Variants in MCF2L observed in about 807,000 individuals in gnomAD.
The protein encoded by MCF2L is guanine nucleotide exchange factor DBS.
Under a neutral mutation model 153.4 loss-of-function variants are expected in MCF2L, and 97 were observed. The ratio of observed to expected loss-of-function variants is 0.63; its 90% CI spans 0.54 to 0.75. The LOEUF (loss-of-function observed/expected upper bound fraction) is 0.75. Among genes scored for constraint, MCF2L ranks in the 30% least tolerant of loss-of-function variants. MCF2L has a pLI of 0.00. For synonymous variants in MCF2L, 659 were observed against 632.2 expected (o/e 1.04, Z -0.64); for missense variants, 1,347 against 1,495.2 (o/e 0.90, Z 1.64).
Position 113,050,358 on chromosome 13 carries a change from T to TA in MCF2L, c.369+4998dup, listed in dbSNP as rs986527735. 4.0e-5 allele frequency among the ~76,000 whole-genome samples: 6 copies of TA among 151,606 alleles called. No individual in the cohort carries two copies. The South Asian group carries it at 6.3e-4, about 16-fold the overall frequency. On this transcript the variant is annotated intron_variant, in intron 4 of 29. Coordinates refer to ENST00000535094, the MANE Select transcript of MCF2L (RefSeq NM_001112732.3). ...TTGGGAATTTGTAATAGAGTATATA[T>TA]ATTCATGTTTAGAGCTAGCCTAAAT...
At chr13:112,913,623 G>C (rs2081259116) in intron 2 of MCF2L, among the ~76,000 whole-genome samples, 1 of 152,088 alleles carries the variant, frequency 6.6e-6, no homozygotes, top group South Asian at 2.1e-4. Flanking sequence ...CAAGTGCATG[G>C]GGCAGGCTGC....
chr13:113,096,797 C>G lies in MCF2L; in HGVS notation c.3316C>G (p.Leu1106Val). The G allele has an allele frequency of 6.4e-7, 1 of 1,559,822 alleles. No individual in the cohort carries two copies. The highest frequency in any genetic ancestry group is 2.5e-5 in the East Asian group (1 of 40,816). ...SSESSPGSAV[L>V]SNSSSCSEGG... Reference sequence around the variant, plus strand: ...AGAGTCGAGCCCGGGGTCGGCCGTGCTGAGCAACTCGTCCAGCTGCAGCGA... The same window carrying G: ...AGAGTCGAGCCCGGGGTCGGCCGTGGTGAGCAACTCGTCCAGCTGCAGCGA... Residue 1106 changes from leucine (L) to valine (V), a missense_variant, in exon 30 of 30, where the codon CTG becomes GTG. Transcript: ENST00000535094.
intron 7 of MCF2L, 130 bp downstream of exon 7, chr13:113,065,215 C>A: frequency 1.8e-6 from 2 of 1,124,934 alleles, no homozygotes; most frequent in Non-Finnish European, 2.6e-6. Flanking sequence ...CACGTAAGAC[C>A]AAGAAGTCAG....
chr13:113,062,639 A>G (rs1030744670), intron 5 of MCF2L, among the ~76,000 whole-genome samples: 2 of 152,044 alleles, frequency 1.3e-5, no homozygotes, highest in Non-Finnish European at 2.9e-5. Flanking sequence ...AATTCTTGAA[A>G]TTAGAGTGGA....
At chr13:112,925,379 G>C (rs545190079) in intron 2 of MCF2L, among the ~76,000 whole-genome samples, 1 of 152,174 alleles carries the variant, frequency 6.6e-6, no homozygotes, top group Non-Finnish European at 1.5e-5. Context: ...CACCCTAACT[G>C]TGCACCCAAA....
intron 2 of MCF2L, among the ~76,000 whole-genome samples, chr13:113,022,419 C>T (rs2084939283): frequency 6.6e-6 from 1 of 150,700 alleles, no homozygotes; most frequent in African/African-American, 2.4e-5. Flanking sequence ...TGCCGTGGCC[C>T]ATGCCCATTT....
Position 112,907,966 on chromosome 13 carries a change from A to G in MCF2L, c.169+5595A>G, listed in dbSNP as rs909023392. ...AATGGTACTTGCAGTGTGGCTGTCAATGATTAACTTCTTGTTTTCAACCTT... is the reference window on the plus strand; with the variant it reads ...AATGGTACTTGCAGTGTGGCTGTCAGTGATTAACTTCTTGTTTTCAACCTT... On this transcript the variant is annotated intron_variant, in intron 2 of 29. Coordinates refer to the MCF2L transcript ENST00000375608. This position sits in a 1 kb window ranked among gnomAD's most constrained non-coding sequence, Gnocchi z 5.1. 2.0e-5 allele frequency among the ~76,000 whole-genome samples: 3 copies of G among 152,208 alleles called. No individual in the cohort carries two copies. The highest frequency in any genetic ancestry group is 4.4e-5 in the Non-Finnish European group (3 of 68,040).
At chr13:113,063,782 C>G in intron 5 of MCF2L, 1 of 445,070 alleles carries the variant, frequency 2.2e-6, no homozygotes, top group South Asian at 1.6e-5. Context: ...GTTCAGCACA[C>G]GGCACTGAAA....
In MCF2L at chr13:113,090,725, C is replaced by T. The variant is rs188899439; in HGVS notation, c.2953+997C>T. On this transcript the variant is annotated intron_variant, in intron 26 of 29. Transcript: ENST00000535094. ...TCTTCTGGGAAGCCCTGAAGGCCAG[C>T]GTGGACAAGGGCTCTTTCCAGAGAA... 6,016 of 985,478 alleles carry T rather than the reference C, an allele frequency of 6.1e-3. 35 individuals are homozygous for T. Among genetic ancestry groups the T allele is most frequent in the Non-Finnish European group, 6.9e-3 (5,697 of 829,938 alleles). The allele number at this position is 985,478 out of a possible 1,614,324, so 61.0% of individuals were successfully genotyped here.
intron 2 of MCF2L, among the ~76,000 whole-genome samples, chr13:113,018,686 G>A (rs373346703): frequency 6.6e-6 from 1 of 152,154 alleles, no homozygotes; most frequent in African/African-American, 2.4e-5. Context: ...CTAAAAACAG[G>A]GCGGGAGAAT....
At chr13:113,089,171 C>A (rs1022132557) in intron 25 of MCF2L, among the ~76,000 whole-genome samples, 4 of 27,334 alleles carry the variant, frequency 1.5e-4, no homozygotes, top group African/African-American at 3.0e-4. Context: ...ACTCCCCCGC[C>A]CCCCCCCCCG....
intron 5 of MCF2L, among the ~76,000 whole-genome samples, chr13:113,062,989 C>T (rs1284031020): frequency 2.6e-5 from 4 of 152,156 alleles, no homozygotes; most frequent in African/African-American, 4.8e-5. Flanking sequence ...GGGGTATTTT[C>T]GGCAGGAACA....
rs763471280 is a variant in MCF2L, at chr13:113,060,670, C to A, written c.447C>A (p.Ile149=). The stretch of plus-strand genomic sequence containing the variant: ...TTTTCCAAAGGACTCTCTCCGACAT[C>A]GCTTTCAAATTCAATAGAGATGACT... ...TGFFQRTLSD[I]AFKFNRDDFK... Residue 149 remains isoleucine (I), a synonymous_variant, in exon 5 of 30, where the codon ATC becomes ATA. Coordinates refer to ENST00000535094, the MANE Select transcript of MCF2L (RefSeq NM_001112732.3). 260 of 1,613,576 alleles carry A rather than the reference C, an allele frequency of 1.6e-4. No homozygotes were observed. Among genetic ancestry groups the A allele is most frequent in the Non-Finnish European group, 2.1e-4 (248 of 1,179,974 alleles).
At chr13:112,926,743 A>G (rs1381203009) in intron 2 of MCF2L, among the ~76,000 whole-genome samples, 3 of 151,578 alleles carry the variant, frequency 2.0e-5, no homozygotes, top group East Asian at 2.0e-4. Context: ...TCTCACTTAC[A>G]TGTGTACTCG....
intron 27 of MCF2L, chr13:113,094,923 G>T (rs1315283009): frequency 5.2e-6 from 7 of 1,344,190 alleles, no homozygotes; most frequent in Non-Finnish European, 7.0e-6. Flanking sequence ...GCTCCTCCTA[G>T]CTCCTCTGTC....
At chr13:112,927,611 C>T (rs766024309) in intron 2 of MCF2L, among the ~76,000 whole-genome samples, 12 of 152,210 alleles carry the variant, frequency 7.9e-5, no homozygotes, top group Non-Finnish European at 1.5e-4. Context: ...GATCAGGAAG[C>T]TGCTGGCATC....
intron 2 of MCF2L, among the ~76,000 whole-genome samples, chr13:112,934,553 G>GGATGCTGCTGCTGCTGCTGCT (rs2081494742): frequency 3.5e-5 from 1 of 28,260 alleles, no homozygotes; most frequent in Non-Finnish European, 7.2e-5. Context: ...GATTTCCAGG[G>GGATGCTGCTGCTGCTGCTGCT]GATGCTGCTG....
Position 113,045,515 on chromosome 13 carries a change from C to G in MCF2L, c.369+154C>G. On this transcript the variant is annotated intron_variant, in intron 4 of 29. Coordinates refer to ENST00000535094, the MANE Select transcript of MCF2L (RefSeq NM_001112732.3). The surrounding 1 kb of genome is among the most constrained non-coding windows in gnomAD (Gnocchi z 4.2). The stretch of plus-strand genomic sequence containing the variant: ...GGTGGAGGCCGGCGCCAAGGCCCCC[C>G]CTGCTTGGGCTCCCAAGGCACTGGT... 4 of 659,326 alleles carry G rather than the reference C, an allele frequency of 6.1e-6. No homozygotes were observed. The highest frequency in any genetic ancestry group is 2.4e-5 in the Admixed American group (1 of 41,102). 40.8% of individuals were successfully genotyped at this position (659,326 alleles called of 1,614,324 possible).
intron 26 of MCF2L, chr13:113,091,253 G>A: frequency 1.5e-6 from 2 of 1,295,050 alleles, no homozygotes; most frequent in Non-Finnish European, 1.0e-6. Flanking sequence ...GCGCGGCCCA[G>A]CTGGCTGTCA....
Sources: allele counts gnomAD v4.1 joint callset (sites outside exome capture counted in the v4.1 genomes callset), GRCh38; gene constraint gnomAD v4.1.1; non-coding constraint Gnocchi (gnomAD v3.1); transcripts MANE v1.5; gene names NCBI Gene and HGNC (gene_info 2026-07-23, HGNC 2026-07-21).